RAD54B: variants seen among roughly 807,000 people sequenced by gnomAD.
RAD54B encodes RAD54 homolog B, also known as DNA repair and recombination protein RAD54B.
Under a neutral mutation model 95.8 loss-of-function variants are expected in RAD54B, and 78 were observed. The ratio of observed to expected loss-of-function variants is 0.81; its 90% CI spans 0.68 to 0.98. RAD54B has a LOEUF of 0.98. Ranked by LOEUF, RAD54B falls within the 50% of genes least tolerant of loss-of-function variation. The probability of loss-of-function intolerance (pLI) is 0.00; values close to 1 mark genes in which losing one functional copy is unlikely to be tolerated. For synonymous variants in RAD54B, 328 were observed against 354.9 expected, an observed-to-expected ratio of 0.92 and a Z score of 0.85; for missense variants, 957 against 1,056.6, an observed-to-expected ratio of 0.91 and a Z score of 1.31.
chr8:94,390,403 G>A (rs1001894615), intron 10 of RAD54B, among the ~76,000 whole-genome samples: 27 of 151,352 alleles, frequency 1.8e-4, no homozygotes, highest in African/African-American at 6.5e-4. Context: ...GGGAGGCTGA[G>A]GCAGGAGAAT....
chr8:94,461,282 C>T (rs1350270915), intron 2 of RAD54B, among the ~76,000 whole-genome samples: 1 of 146,608 alleles, frequency 6.8e-6, no homozygotes, highest in Non-Finnish European at 1.5e-5. Context: ...AAGCAATTCT[C>T]CTGCCTCAGC....
At chr8:94,472,406 C>G (rs1371286467) in intron 1 of RAD54B, among the ~76,000 whole-genome samples, 1 of 152,144 alleles carries the variant, frequency 6.6e-6, no homozygotes, top group Non-Finnish European at 1.5e-5. Context: ...GACTCAGTTA[C>G]TTAATGGTCA....
chr8:94,468,312 G>A (rs1313948136), intron 1 of RAD54B, among the ~76,000 whole-genome samples: 1 of 152,066 alleles, frequency 6.6e-6, no homozygotes, highest in African/African-American at 2.4e-5. Flanking sequence ...TGCAATAAAC[G>A]CCTCACTTTC....
intron 2 of RAD54B, among the ~76,000 whole-genome samples, chr8:94,462,480 T>C (rs1189019714): frequency 6.6e-6 from 1 of 152,184 alleles, no homozygotes. Flanking sequence ...GTATAGATTC[T>C]GACTCCTGTA....
intron 3 of RAD54B, chr8:94,430,884 T>C: frequency 2.0e-6 from 2 of 985,376 alleles, no homozygotes; most frequent in Non-Finnish European, 2.4e-6. Context: ...CCAAATTGAC[T>C]CTCTCTACAT....
intron 3 of RAD54B, among the ~76,000 whole-genome samples, chr8:94,445,829 G>A (rs1012592631): frequency 1.3e-5 from 2 of 151,810 alleles, no homozygotes; most frequent in Admixed American, 6.6e-5. Context: ...CCACACTTAG[G>A]CTTAAGTACA....
chr8:94,383,315 A>C (rs1810789495), intron 11 of RAD54B, among the ~76,000 whole-genome samples: 1 of 150,922 alleles, frequency 6.6e-6, no homozygotes, highest in Non-Finnish European at 1.5e-5. Flanking sequence ...CCCCAAGATG[A>C]CAGCTATGTA....
chr8:94,433,732 TA>T (rs1327174710), intron 3 of RAD54B, among the ~76,000 whole-genome samples: 2 of 151,792 alleles, frequency 1.3e-5, no homozygotes, highest in Non-Finnish European at 2.9e-5. Context: ...CTGCCTAACT[TA>T]AAAATAAAAG....
At position 94,372,226 on chromosome 8, in the gene RAD54B, T is replaced by C. The variant is rs1810457570; in HGVS notation, c.2677A>G (p.Thr893Ala). Residue 893 changes from threonine to alanine, a missense_variant, in exon 15 of 15, where the codon ACA becomes GCA. Coordinates refer to ENST00000336148, the MANE Select transcript of RAD54B (RefSeq NM_012415.3). ...TGAAAAATGAATGACACATTTTCTG[T>C]TATTCTTTCAAGAAAAGGATCTGTA... ...NLTDPFLERI[T>A]ENVSFIFQNI... The C allele has an allele frequency of 6.2e-7, 1 of 1,612,274 alleles. No homozygotes were observed. The highest frequency in any genetic ancestry group is 1.3e-5 in the African/African-American group (1 of 74,788).
At chr8:94,421,386 GT>G (rs1811804383) in intron 3 of RAD54B, among the ~76,000 whole-genome samples, 1 of 152,052 alleles carries the variant, frequency 6.6e-6, no homozygotes, top group Non-Finnish European at 1.5e-5. Flanking sequence ...ATCTATTGGA[GT>G]TCTTCAGAAC....
At chr8:94,427,804 T>C in intron 3 of RAD54B, 1 of 959,164 alleles carries the variant, frequency 1.0e-6, no homozygotes, top group Non-Finnish European at 1.2e-6. Flanking sequence ...CACAATTTAT[T>C]ACACTCTAAG....
At chr8:94,427,635 A>G in intron 3 of RAD54B, 14 of 786,078 alleles carry the variant, frequency 1.8e-5, no homozygotes, top group Non-Finnish European at 2.2e-5. Context: ...ATGTATTTCA[A>G]TTATACCTCA....
chr8:94,404,594 T>C (rs181153618), intron 5 of RAD54B, among the ~76,000 whole-genome samples: 24 of 152,332 alleles, frequency 1.6e-4, no homozygotes, highest in African/African-American at 5.3e-4. Flanking sequence ...AAGTACAGGT[T>C]GGAATTTTGC....
At chr8:94,385,414 T>C (rs1230250919) in intron 11 of RAD54B, among the ~76,000 whole-genome samples, 1 of 152,044 alleles carries the variant, frequency 6.6e-6, no homozygotes, top group Non-Finnish European at 1.5e-5. Context: ...AAGTGAAAGT[T>C]TGCACTCTTA....
chr8:94,387,872 T>C (rs1456801634), intron 10 of RAD54B, among the ~76,000 whole-genome samples: 3 of 152,180 alleles, frequency 2.0e-5, no homozygotes, highest in Non-Finnish European at 4.4e-5. Context: ...TTGGGTTAAA[T>C]TCCTAGGATT....
At chr8:94,461,160 CTTTTTTTTTTTTTTTTTT>C (rs57563259) in intron 2 of RAD54B, among the ~76,000 whole-genome samples, 1 of 59,982 alleles carries the variant, frequency 1.7e-5, no homozygotes, top group South Asian at 6.6e-4. Context: ...AAATACTCAT[CTTTTTTTTTTTTTTTTTT>C]TTTTTTTTTT....
At chr8:94,445,207 G>T (rs1356998838) in intron 3 of RAD54B, among the ~76,000 whole-genome samples, 3 of 152,070 alleles carry the variant, frequency 2.0e-5, no homozygotes, top group Non-Finnish European at 4.4e-5. Context: ...AGGAACAAAT[G>T]AGATCTCTTG....
Position 94,393,675 on chromosome 8 carries a change from A to G in RAD54B, c.1518+68T>C, listed in dbSNP as rs1811073449. On this transcript the variant is annotated intron_variant, in intron 9 of 14. Transcript: ENST00000336148. ...ATTGATTTTTCTAAATCAAAATAAT[A>G]TGAAGTTATGGATGATTTCCTCAGA... is the stretch of plus-strand genomic sequence containing the variant. 53 of 1,393,136 alleles carry G rather than the reference A, an allele frequency of 3.8e-5. 1 individual carries two copies. The South Asian group carries it at 6.5e-4, about 17-fold the overall frequency. The allele number at this position is 1,393,136 out of a possible 1,614,324, so 86.3% of individuals were successfully genotyped here.
At chr8:94,430,285 T>C in intron 3 of RAD54B, 1 of 921,356 alleles carries the variant, frequency 1.1e-6, no homozygotes, top group East Asian at 1.2e-4. Context: ...CACTCCAACC[T>C]AGGTGACAAA....
Sources: gnomAD v4.1 joint callset for allele counts (sites outside exome capture counted in the v4.1 genomes callset) on GRCh38, gnomAD v4.1.1 for gene constraint, MANE v1.5 for transcripts, NCBI Gene and HGNC (gene_info 2026-07-23, HGNC 2026-07-21) for gene names.